Variants in ADCY4 observed in about 807,000 individuals in gnomAD.
ADCY4 encodes the protein adenylate cyclase 4.
A neutral mutation model predicts 125.5 loss-of-function variants in ADCY4; 111 were observed. The ratio of observed to expected loss-of-function variants is 0.88; its 90% confidence interval spans 0.76 to 1.04. The LOEUF (loss-of-function observed/expected upper bound fraction) is 1.04, where lower values mean the gene tolerates loss of function less well. Ranked by LOEUF, ADCY4 falls within the 50% of genes least tolerant of loss-of-function variation. The pLI, the probability that ADCY4 is intolerant of heterozygous loss-of-function variation, is 0.00. For synonymous variants in ADCY4, 576 were observed against 586.9 expected, an observed-to-expected ratio of 0.98 and a Z score of 0.27; for missense variants, 1,256 against 1,382.9, an observed-to-expected ratio of 0.91 and a Z score of 1.46.
At position 24,330,998 on chromosome 14, in the gene ADCY4, G is replaced by C. The variant is rs1232168390; in HGVS notation, c.930+20C>G. On this transcript the variant is annotated intron_variant, in intron 6 of 24. Transcript: ENST00000418030. ...GGGATGTTTGAGGGTCCCTGGGTGG[G>C]GAGGGAAGTCTTCTCTGACCTTGGC... is the stretch of plus-strand genomic sequence containing the variant. 6.3e-7 allele frequency: 1 copy of C among 1,579,910 alleles called. No homozygotes were observed.
intron 18 of ADCY4, 81 bp from the exon 19 acceptor site, chr14:24,322,789 C>T: frequency 1.3e-6 from 2 of 1,556,028 alleles, no homozygotes; most frequent in East Asian, 4.7e-5. Context: ...GCCTCCGCTT[C>T]CCTCCCACTT....
At chr14:24,328,861 G>C in intron 10 of ADCY4, 200 bp downstream of exon 10, 1 of 648,858 alleles carries the variant, frequency 1.5e-6, no homozygotes. Flanking sequence ...AGGTGAGCTG[G>C]AGGGCTCTTT....
rs781190839 is a variant in ADCY4, at chr14:24,332,880, G to A, written c.268C>T (p.Arg90Cys). ...SREQRLQRWT[R>C]PLSGLVWVAL... ...ACCCATACCAAGCCGGACAGGGGAC[G>A]CGTCCAGCGCTGCAGTCGCTGCTCC... The change falls in exon 2 of 25, where the codon CGT (arginine) becomes TGT (cysteine). Residue 90 changes from arginine to cysteine, a missense_variant. Transcript: ENST00000418030. 34 of 1,605,764 alleles carry A rather than the reference G, an allele frequency of 2.1e-5. No homozygotes were observed. Among genetic ancestry groups the A allele is most frequent in the Admixed American group, 3.4e-5 (2 of 59,694 alleles).
At chr14:24,323,656 CCTCTGA>C (rs2041892445) in intron 16 of ADCY4, 1 of 1,408,312 alleles carries the variant, frequency 7.1e-7, no homozygotes, top group Middle Eastern at 2.7e-4. Context: ...CAAGAGTACT[CCTCTGA>C]CTCTGAGCCA....
chr14:24,330,006 T>C lies in ADCY4; in HGVS notation c.1071A>G (p.Ala357=). 6.2e-7 allele frequency: 1 copy of C among 1,613,764 alleles called. No individual in the cohort carries two copies. The change falls in exon 8 of 25, where the codon GCA becomes GCG. Residue 357 remains alanine (A), a synonymous_variant. Coordinates refer to ENST00000418030, the MANE Select transcript of ADCY4 (RefSeq NM_001198568.2). ...GCATGTTGATGTCCACGCCAGTGGCTGCCCGCAGTTTCCTGAGCAGTGTGT... is the reference window on the plus strand; with the variant it reads ...GCATGTTGATGTCCACGCCAGTGGCCGCCCGCAGTTTCCTGAGCAGTGTGT... ...DMCRAIRKLR[A]ATGVDINMRV...
At chr14:24,320,031 C>A in intron 20 of ADCY4, 143 bp from the exon 21 acceptor site, 1 of 916,284 alleles carries the variant, frequency 1.1e-6, no homozygotes. Flanking sequence ...GGAGTAGGGC[C>A]AGGCTACCCC....
In ADCY4 at chr14:24,325,395, T is replaced by C. The variant is rs1252484999; in HGVS notation, c.1805A>G (p.Gln602Arg). 3 of 1,613,440 alleles carry C rather than the reference T, an allele frequency of 1.9e-6. No homozygotes were observed. In the African/African-American group the frequency reaches 4.0e-5, roughly 22 times the overall value. The part of the protein sequence containing the change: ...FLVFLSNFII[Q>R]MLVTNRPPAL... ...CTCTCACCTGTTTGTCACTAGCATC[T>C]GGATGATGAAGTTGGAGAGAAAAAC... The change falls in exon 14 of 25, where the codon CAG becomes CGG. Residue 602 changes from glutamine (Q) to arginine (R), a missense_variant. By Grantham distance (43) the Gln-to-Arg change is conservative. Transcript: ENST00000418030.
chr14:24,332,773 G>A lies in ADCY4; in HGVS notation c.357+18C>T, dbSNP rs2042064770. 2.6e-6 allele frequency: 4 copies of A among 1,534,622 alleles called. No homozygotes were observed. In the South Asian group the frequency reaches 3.6e-5, roughly 14 times the overall value. ...AAGCCCGGGCCGTCCCCGCTGCCCCGCCTGCCGCCCCTCTCACCTGGTCCC... is the reference window on the plus strand; with the variant it reads ...AAGCCCGGGCCGTCCCCGCTGCCCCACCTGCCGCCCCTCTCACCTGGTCCC... On this transcript the variant is annotated intron_variant, in intron 2 of 24. Transcript: ENST00000418030.
Position 24,329,220 on chromosome 14 carries a change from ATCC to A in ADCY4, c.1362_1364del (p.Glu454del). ...GCAAGCCTCCTGCAGTGCCCTTCTC[ATCC>A]TCCTCCTCTGCCTGGGGCACATAAG... On this transcript the variant is annotated inframe_deletion, in exon 10 of 25. Transcript: ENST00000418030. 6.2e-7 allele frequency: 1 copy of A among 1,613,638 alleles called. No homozygotes were observed. The highest frequency in any genetic ancestry group is 8.5e-7 in the Non-Finnish European group (1 of 1,179,778).
chr14:24,334,370 G>T, intron 1 of ADCY4, 124 bp downstream of exon 1: 1 of 1,429,436 alleles, frequency 7.0e-7, no homozygotes, highest in Non-Finnish European at 9.2e-7. Context: ...TCCTAGCCAG[G>T]CTCAATGGTC....
At chr14:24,324,552 G>T (rs1276239712) in intron 14 of ADCY4, among the ~76,000 whole-genome samples, 161 bp from the exon 15 acceptor site, 1 of 152,082 alleles carries the variant, frequency 6.6e-6, no homozygotes, top group Non-Finnish European at 1.5e-5. Flanking sequence ...GCATTCTGAT[G>T]ATCTGGGTTG....
chr14:24,322,137 G>A lies in ADCY4; in HGVS notation c.2515C>T (p.Arg839Trp), dbSNP rs937602360. The A allele has an allele frequency of 7.4e-6, 12 of 1,614,146 alleles. No individual in the cohort carries two copies. The highest frequency in any genetic ancestry group is 8.5e-6 in the Non-Finnish European group (10 of 1,180,014). ...EETETMENLTRLLLENVLPAH... is the reference protein window; with the variant it reads ...EETETMENLTWLLLENVLPAH... ...GGGAGCACGTTCTCCAAGAGCAGCC[G>A]AGTCAGGTTCTCCATCGTCTCTGTC... is the stretch of plus-strand genomic sequence containing the variant. Residue 839 changes from arginine (R) to tryptophan (W), a missense_variant, in exon 20 of 25, where the codon CGG becomes TGG. Transcript: ENST00000418030.
At chr14:24,329,775 A>G in intron 8 of ADCY4, 85 bp downstream of exon 8, 1 of 1,547,292 alleles carries the variant, frequency 6.5e-7, no homozygotes, top group Non-Finnish European at 8.7e-7. Context: ...TCTTGTGCTT[A>G]TCTTAAGGAA....
intron 3 of ADCY4, 129 bp from the exon 4 acceptor site, chr14:24,332,066 G>T: frequency 8.3e-7 from 1 of 1,202,594 alleles, no homozygotes; most frequent in Non-Finnish European, 1.1e-6. Flanking sequence ...TGTGGGACAA[G>T]TGGTGCCACA....
chr14:24,329,593 C>A lies in ADCY4; in HGVS notation c.1218-60G>T, dbSNP rs149091223. The A allele has an allele frequency of 3.1e-4, 463 of 1,496,130 alleles. No individual in the cohort carries two copies. The African/African-American group carries it at 3.9e-3, about 13-fold the overall frequency. 92.7% of individuals were successfully genotyped at this position (1,496,130 alleles called of 1,614,324 possible). A position where few individuals can be genotyped will look rare whatever the true frequency, so the allele number is the denominator to read the frequency against. ...GGGCCTTCAAATCTCCTATTTCCTGCCCCATCACCCCCATGGCTCCTAGAA... is the reference window on the plus strand; with the variant it reads ...GGGCCTTCAAATCTCCTATTTCCTGACCCATCACCCCCATGGCTCCTAGAA... On this transcript the variant is annotated intron_variant, in intron 8 of 24. Coordinates refer to ENST00000418030, the MANE Select transcript of ADCY4 (RefSeq NM_001198568.2).
At position 24,331,596 on chromosome 14, in the gene ADCY4, G is replaced by A. The variant is rs1030958424; in HGVS notation, c.669+192C>T. 21 of 966,926 alleles carry A rather than the reference G, an allele frequency of 2.2e-5. No individual in the cohort carries two copies. In the African/African-American group the frequency reaches 3.5e-4, roughly 16 times the overall value. 59.9% of individuals were successfully genotyped at this position (966,926 alleles called of 1,614,324 possible). On this transcript the variant is annotated intron_variant, in intron 4 of 24. Transcript: ENST00000418030. Reference sequence around the variant, plus strand: ...TCACTTAATATCATAATGCTCTAAAGTGCTTTTTATAAGCTTTGGTTTGTT... The same window carrying A: ...TCACTTAATATCATAATGCTCTAAAATGCTTTTTATAAGCTTTGGTTTGTT...
chr14:24,324,035 G>A lies in ADCY4; in HGVS notation c.2046+27C>T, dbSNP rs779036592. The stretch of plus-strand genomic sequence containing the variant: ...GGCAGGTCCAACATGCCCTCATGGG[G>A]GTGGATAGGGCCCCCTCTGTCCTCA... On this transcript the variant is annotated intron_variant, in intron 16 of 24. Coordinates refer to ENST00000418030, the MANE Select transcript of ADCY4 (RefSeq NM_001198568.2). The A allele has an allele frequency of 1.9e-6, 3 of 1,610,526 alleles. No individual in the cohort carries two copies. The African/African-American group carries it at 4.0e-5, about 22-fold the overall frequency.
Position 24,326,571 on chromosome 14 carries a change from T to TTGTGTGTGTG in ADCY4, c.1525-239_1525-230dup, listed in dbSNP as rs71119070. 2.1e-3 allele frequency: 576 copies of TTGTGTGTGTG among 278,262 alleles called. 5 individuals carry two copies. Among genetic ancestry groups the TTGTGTGTGTG allele is most frequent in the African/African-American group, 9.1e-3 (367 of 40,394 alleles). 17.2% of individuals were successfully genotyped at this position (278,262 alleles called of 1,614,324 possible). ...CTGACTCTCTAGACTCCCAGGATCTTTGTGTGTGTGTGTGTGTGTGTGTGT... is the reference window on the plus strand; with the variant it reads ...CTGACTCTCTAGACTCCCAGGATCTTTGTGTGTGTGTGTGTGTGTGTGTGTGTGTGTGTGT... On this transcript the variant is annotated intron_variant, in intron 10 of 24. Transcript: ENST00000418030.
Position 24,329,484 on chromosome 14 carries a change from C to G in ADCY4, c.1267G>C (p.Ala423Pro), listed in dbSNP as rs2042006157. ...ATLALLAGAY[A>P]VEDAGMEHRD... ...TGCTCCATGCCTGCGTCCTCCACAGCATAAGCCCCTGCCAGCAGGGCCAGG... is the reference window on the plus strand; with the variant it reads ...TGCTCCATGCCTGCGTCCTCCACAGGATAAGCCCCTGCCAGCAGGGCCAGG... The change falls in exon 9 of 25, where the codon GCT becomes CCT. Residue 423 changes from alanine (A) to proline (P), a missense_variant. Physicochemically the swap from Ala to Pro is conservative, Grantham distance 27. Coordinates refer to ENST00000418030, the MANE Select transcript of ADCY4 (RefSeq NM_001198568.2). 1 of 1,572,952 alleles carries G rather than the reference C, an allele frequency of 6.4e-7. No individual in the cohort carries two copies. Among genetic ancestry groups the G allele is most frequent in the South Asian group, 1.2e-5 (1 of 84,834 alleles).
Sources: allele counts gnomAD v4.1 joint callset (sites outside exome capture counted in the v4.1 genomes callset), GRCh38; gene constraint gnomAD v4.1.1; transcripts MANE v1.5; gene names NCBI Gene and HGNC (gene_info 2026-07-23, HGNC 2026-07-21).